The following KTN1 variants were observed in gnomAD, a reference collection of about 807,000 sequenced individuals.
KTN1 encodes the protein kinectin 1, also known as kinectin.
In KTN1, 130 loss-of-function variants were observed where a neutral mutation model predicts 222.5. The observed-to-expected ratio is 0.58, with a 90% CI of 0.51 to 0.68. The LOEUF is 0.68. Among genes scored for constraint, KTN1 ranks in the 30% least tolerant of loss-of-function variants. The pLI is 0.00. For synonymous variants in KTN1, 512 were observed against 496.3 expected (o/e 1.03, Z -0.42); for missense variants, 1,508 against 1,500.4 (o/e 1.01, Z -0.08).
At chr14:55,655,926 G>T (rs1160340880) in intron 28 of KTN1, 116 bp from the exon 29 acceptor site, 3 of 546,642 alleles carry the variant, frequency 5.5e-6, no homozygotes, top group Non-Finnish European at 9.7e-6. Context: ...ATAATATGGG[G>T]GAAAAAAAGC....
intron 34 of KTN1, chr14:55,667,942 A>G (rs951197329): frequency 2.6e-5 from 4 of 151,736 alleles, no homozygotes; most frequent in African/African-American, 9.7e-5. Context: ...AAACTGTTCA[A>G]CAGTAGAGAG....
intron 7 of KTN1, among the ~76,000 whole-genome samples, chr14:55,631,966 T>C (rs1438151010): frequency 6.6e-6 from 1 of 152,202 alleles, no homozygotes. Context: ...ATATCGCTAG[T>C]CTGCTAAAAA....
At chr14:55,684,046 G>A in intron 43 of KTN1, 53 bp from the exon 44 acceptor site, 1 of 1,526,480 alleles carries the variant, frequency 6.6e-7, no homozygotes, top group Non-Finnish European at 9.0e-7. Context: ...TCTTCTGATT[G>A]CCTTCTGTTG....
chr14:55,644,378 A>G (rs2042088646), intron 18 of KTN1: 3 of 702,264 alleles, frequency 4.3e-6, no homozygotes, highest in Non-Finnish European at 7.8e-6. Flanking sequence ...ATAAAAGCAG[A>G]AACCAATAAT....
Position 55,619,252 on chromosome 14 carries a change from T to G in KTN1, c.903T>G (p.Ala301=). The G allele has an allele frequency of 1.2e-6, 2 of 1,612,006 alleles. No homozygotes were observed. Among genetic ancestry groups the G allele is most frequent in the Non-Finnish European group, 1.7e-6 (2 of 1,178,202 alleles). The part of the protein sequence containing the change: ...LKTMMFSEDE[A]LCVVDLLKEK... ...CTATGATGTTTTCTGAAGATGAGGC[T>G]CTTTGTGTTGTAGACTTGCTAAAGG... The change falls in exon 5 of 44, where the codon GCT becomes GCG. Residue 301 remains alanine (A), a synonymous_variant. Transcript: ENST00000395314.
intron 8 of KTN1, among the ~76,000 whole-genome samples, chr14:55,633,946 C>T (rs1459179408): frequency 1.3e-5 from 2 of 152,112 alleles, no homozygotes; most frequent in Non-Finnish European, 2.9e-5. Flanking sequence ...CGAGACCAGC[C>T]TGGCCAACGT....
chr14:55,677,139 G>T (rs757071907), intron 41 of KTN1, among the ~76,000 whole-genome samples: 6 of 152,120 alleles, frequency 3.9e-5, no homozygotes, highest in African/African-American at 7.2e-5. Flanking sequence ...TAGAAATATT[G>T]TGCAACATTT....
chr14:55,660,547 A>G (rs1251761472), intron 31 of KTN1, among the ~76,000 whole-genome samples: 1 of 152,172 alleles, frequency 6.6e-6, no homozygotes, highest in East Asian at 1.9e-4. Context: ...TAAGTGATCT[A>G]TCATTGGGAA....
intron 29 of KTN1, among the ~76,000 whole-genome samples, chr14:55,657,799 A>T: frequency 6.6e-6 from 1 of 152,074 alleles, no homozygotes. Context: ...CTGTAGTCCC[A>T]GATACTCGGG....
chr14:55,621,140 C>G (rs1441394071), intron 5 of KTN1, among the ~76,000 whole-genome samples: 1 of 152,136 alleles, frequency 6.6e-6, no homozygotes, highest in Non-Finnish European at 1.5e-5. Context: ...CGCCTTTACT[C>G]CATTTCCCAA....
chr14:55,672,508 C>A (rs1258146824), intron 37 of KTN1, 122 bp from the exon 38 acceptor site: 15 of 606,708 alleles, frequency 2.5e-5, no homozygotes, highest in Non-Finnish European at 3.8e-5. Context: ...AAATTCATCT[C>A]TTTTAAATGA....
At chr14:55,655,277 C>G (rs532196734) in intron 28 of KTN1, among the ~76,000 whole-genome samples, 4 of 152,154 alleles carry the variant, frequency 2.6e-5, no homozygotes, top group South Asian at 2.1e-4. Flanking sequence ...CCATGCTCAC[C>G]CTTGGATTGC....
chr14:55,622,649 G>C (rs1414546061), intron 5 of KTN1, among the ~76,000 whole-genome samples: 2 of 152,142 alleles, frequency 1.3e-5, no homozygotes, highest in Non-Finnish European at 2.9e-5. Context: ...ACCTTCAGTG[G>C]TTTAATTTTT....
intron 1 of KTN1, among the ~76,000 whole-genome samples, chr14:55,600,778 C>A (rs1324958063): frequency 6.6e-6 from 1 of 152,048 alleles, no homozygotes; most frequent in African/African-American, 2.4e-5. Context: ...TCTTCAAAAA[C>A]TGATTTTATG....
At chr14:55,584,110 T>A (rs1196531399) in intron 1 of KTN1, among the ~76,000 whole-genome samples, 1 of 152,196 alleles carries the variant, frequency 6.6e-6, no homozygotes, top group Non-Finnish European at 1.5e-5. Context: ...TTACTTATCT[T>A]CTCAGAATGC....
chr14:55,613,475 T>C (rs986508693), intron 2 of KTN1, among the ~76,000 whole-genome samples: 6 of 151,084 alleles, frequency 4.0e-5, no homozygotes, highest in Non-Finnish European at 7.4e-5. Context: ...TCTTAACTTG[T>C]AGGAGGTTAT....
At chr14:55,642,638 T>C (rs1246746166) in intron 18 of KTN1, among the ~76,000 whole-genome samples, 6 of 152,198 alleles carry the variant, frequency 3.9e-5, no homozygotes, top group Non-Finnish European at 7.4e-5. Flanking sequence ...TGATAGCACT[T>C]CTTTAGCAAA....
At chr14:55,610,589 C>A (rs1035738353) in intron 1 of KTN1, among the ~76,000 whole-genome samples, 30 of 152,250 alleles carry the variant, frequency 2.0e-4, no homozygotes, top group African/African-American at 7.2e-4. Flanking sequence ...TTAAAAAATT[C>A]TCAGATTTAT....
At chr14:55,584,712 C>A (rs1344131122) in intron 1 of KTN1, among the ~76,000 whole-genome samples, 3 of 150,688 alleles carry the variant, frequency 2.0e-5, no homozygotes, top group African/African-American at 7.3e-5. Flanking sequence ...TCCACATAAC[C>A]CTCAAACACA....
Sources: gnomAD v4.1 joint callset for allele counts (sites outside exome capture counted in the v4.1 genomes callset) on GRCh38, gnomAD v4.1.1 for gene constraint, MANE v1.5 for transcripts, NCBI Gene and HGNC (gene_info 2026-07-23, HGNC 2026-07-21) for gene names.